The following ZNF469 variants were observed in gnomAD, a reference collection of about 807,000 sequenced individuals.
The protein encoded by ZNF469 is zinc finger protein 469.
A neutral mutation model predicts 1.0 loss-of-function variants in ZNF469; 1 was observed. That is an observed-to-expected ratio of 1.00 (90% CI 0.35 to 4.73). ZNF469 has a LOEUF of 4.73. Ranked by LOEUF, ZNF469 falls within the 30% of genes most tolerant of loss-of-function variation. The pLI, the probability that ZNF469 is intolerant of heterozygous loss-of-function variation, is 0.16. For missense variants in ZNF469, 6,100 were observed against 5,356.3 expected, an observed-to-expected ratio of 1.14 and a Z score of -4.33; for synonymous variants, 2,703 against 2,363.4, an observed-to-expected ratio of 1.14 and a Z score of -4.17.
chr16:88,160,186 G>A, the ZNF469 span, among the ~76,000 whole-genome samples: 1 of 152,218 alleles, frequency 6.6e-6, no homozygotes, highest in Admixed American at 6.5e-5. Context: ...GAAGGAGACT[G>A]GGTCTGGGAC....
At chr16:88,106,185 G>A in the ZNF469 span, among the ~76,000 whole-genome samples, 4 of 152,310 alleles carry the variant, frequency 2.6e-5, no homozygotes, top group East Asian at 1.9e-4. Flanking sequence ...CCAGCAGGCC[G>A]TGCTCCAGCC....
the ZNF469 span, among the ~76,000 whole-genome samples, chr16:88,230,634 C>T: frequency 1.5e-3 from 58 of 37,572 alleles, 1 homozygote; most frequent in African/African-American, 2.8e-3. Flanking sequence ...GAGAGTGGAA[C>T]GCACCAAGGA....
chr16:88,146,870 G>A, the ZNF469 span, among the ~76,000 whole-genome samples: 1 of 152,022 alleles, frequency 6.6e-6, no homozygotes, highest in Non-Finnish European at 1.5e-5. Flanking sequence ...AGGCTGAAGG[G>A]GCCGGAAGAG....
At chr16:88,147,194 G>A in the ZNF469 span, among the ~76,000 whole-genome samples, 1 of 152,076 alleles carries the variant, frequency 6.6e-6, no homozygotes, top group Non-Finnish European at 1.5e-5. Context: ...AGCTGGCTCT[G>A]ATGGCAGAGG....
At chr16:88,128,235 G>A in the ZNF469 span, among the ~76,000 whole-genome samples, 10 of 151,958 alleles carry the variant, frequency 6.6e-5, no homozygotes, top group African/African-American at 2.2e-4. Flanking sequence ...GGGCCACGTC[G>A]CCCAGAATGC....
chr16:88,266,663 C>T, the ZNF469 span, among the ~76,000 whole-genome samples: 36 of 152,300 alleles, frequency 2.4e-4, no homozygotes, highest in Middle Eastern at 6.8e-3. Context: ...AGTTCACTGG[C>T]GCTGGGAAAG....
the ZNF469 span, among the ~76,000 whole-genome samples, chr16:88,375,803 G>A: frequency 1.3e-5 from 2 of 152,234 alleles, no homozygotes; most frequent in Non-Finnish European, 2.9e-5. Context: ...GAAATCGTCT[G>A]ACTGCCGAAC....
chr16:88,205,435 G>C, the ZNF469 span, among the ~76,000 whole-genome samples: 1 of 152,160 alleles, frequency 6.6e-6, no homozygotes, highest in Non-Finnish European at 1.5e-5. This position sits in a 1 kb window ranked among gnomAD's most constrained non-coding sequence, Gnocchi z 4.2. Context: ...GTTTTGAGAA[G>C]GCGTTTTTAA....
chr16:88,404,418 C>T (rs1241446478), intron 1 of ZNF469, among the ~76,000 whole-genome samples: 2 of 152,212 alleles, frequency 1.3e-5, no homozygotes, highest in Admixed American at 6.5e-5. Context: ...GTGAGTTGCT[C>T]ACCTGTGTGA....
At chr16:88,346,303 G>A in the ZNF469 span, among the ~76,000 whole-genome samples, 1 of 152,164 alleles carries the variant, frequency 6.6e-6, no homozygotes, top group African/African-American at 2.4e-5. Flanking sequence ...TGACCACGAG[G>A]CCCTGCGAGT....
At chr16:88,115,050 A>G in the ZNF469 span, among the ~76,000 whole-genome samples, 1 of 152,232 alleles carries the variant, frequency 6.6e-6, no homozygotes, top group Non-Finnish European at 1.5e-5. Flanking sequence ...GTCGCAGGGC[A>G]GTGAACGGTG....
At chr16:88,368,332 T>A in the ZNF469 span, among the ~76,000 whole-genome samples, 17 of 152,196 alleles carry the variant, frequency 1.1e-4, no homozygotes, top group Non-Finnish European at 2.2e-4. Context: ...CTGGACGCCA[T>A]CCCTGAGCCG....
At chr16:88,296,348 ACACT>A in the ZNF469 span, among the ~76,000 whole-genome samples, 3 of 152,186 alleles carry the variant, frequency 2.0e-5, no homozygotes, top group Non-Finnish European at 2.9e-5. Flanking sequence ...AATGACACAC[ACACT>A]CACACACACA....
the ZNF469 span, among the ~76,000 whole-genome samples, chr16:88,274,156 G>A: frequency 9.2e-5 from 14 of 152,280 alleles, no homozygotes; most frequent in East Asian, 1.4e-3. Flanking sequence ...CTGCATGGAC[G>A]GACCCTGAGG....
the ZNF469 span, among the ~76,000 whole-genome samples, chr16:88,208,685 A>C: frequency 1.4e-5 from 2 of 146,354 alleles, no homozygotes; most frequent in Non-Finnish European, 3.0e-5. Context: ...GGAGGAGGGA[A>C]GGAAGCACGC....
At chr16:88,303,436 C>A in the ZNF469 span, among the ~76,000 whole-genome samples, 2 of 152,226 alleles carry the variant, frequency 1.3e-5, no homozygotes, top group African/African-American at 2.4e-5. Context: ...TTGTGCCCAG[C>A]TTTCCAGAGC....
the ZNF469 span, among the ~76,000 whole-genome samples, chr16:88,369,078 CA>C: frequency 2.1e-3 from 280 of 135,376 alleles, no homozygotes; most frequent in Middle Eastern, 3.8e-3. Context: ...GATTCTGTCT[CA>C]AAAAAAAAAA....
chr16:88,346,789 C>T, the ZNF469 span, among the ~76,000 whole-genome samples: 1 of 152,234 alleles, frequency 6.6e-6, no homozygotes, highest in Non-Finnish European at 1.5e-5. Context: ...GTGTGCGTCC[C>T]AAGCTGCTCA....
the ZNF469 span, among the ~76,000 whole-genome samples, chr16:88,208,610 A>G: frequency 2.5e-5 from 1 of 40,468 alleles, no homozygotes; most frequent in African/African-American, 7.2e-5. Context: ...GGAGGCAGGG[A>G]GGGAGGGAGG....
Sources: allele counts gnomAD v4.1 joint callset (sites outside exome capture counted in the v4.1 genomes callset), GRCh38; gene constraint gnomAD v4.1.1; non-coding constraint Gnocchi (gnomAD v3.1); transcripts MANE v1.5; gene names NCBI Gene and HGNC (gene_info 2026-07-23, HGNC 2026-07-21).